The following XIRP2 variants were observed in gnomAD, a reference collection of about 807,000 sequenced individuals.
XIRP2 encodes the protein xin actin binding repeat containing 2, also known as xin actin-binding repeat-containing protein 2.
Under a neutral mutation model 277.0 loss-of-function variants are expected in XIRP2, and 236 were observed. The ratio of observed to expected loss-of-function variants is 0.85; its 90% CI spans 0.77 to 0.95. The LOEUF (loss-of-function observed/expected upper bound fraction) is 0.95, where lower values mean the gene tolerates loss of function less well. Among genes scored for constraint, XIRP2 ranks in the 40% least tolerant of loss-of-function variants. The pLI is 0.00. For missense variants in XIRP2, 4,640 were observed against 4,157.5 expected, an observed-to-expected ratio of 1.12 and a Z score of -3.19; for synonymous variants, 1,490 against 1,416.5, an observed-to-expected ratio of 1.05 and a Z score of -1.17.
At chr2:167,103,305 T>C (rs533595591) in intron 2 of XIRP2, among the ~76,000 whole-genome samples, 1 of 152,348 alleles carries the variant, frequency 6.6e-6, no homozygotes, top group South Asian at 2.1e-4. Context: ...GCACAGTTCT[T>C]GGAGAATTGG....
rs148064108 is a variant in XIRP2, at chr2:167,021,417, T to G, written c.409-114492T>G. On this transcript the variant is annotated intron_variant, in intron 2 of 10. Coordinates refer to ENST00000409195, the MANE Select transcript of XIRP2 (RefSeq NM_152381.6). ...CCAAAACAGTATATTATTTTAATTATAGCACTACACGTGCAAAAACTATTT... is the reference window on the plus strand; with the variant it reads ...CCAAAACAGTATATTATTTTAATTAGAGCACTACACGTGCAAAAACTATTT... Among the ~76,000 whole-genome samples, 471 of 152,284 alleles carry G rather than the reference T, an allele frequency of 3.1e-3. 6 individuals carry two copies. Among genetic ancestry groups the G allele is most frequent in the African/African-American group, 0.011 (439 of 41,574 alleles).
intron 2 of XIRP2, among the ~76,000 whole-genome samples, chr2:166,947,318 T>G (rs1685902524): frequency 6.6e-6 from 1 of 152,124 alleles, no homozygotes; most frequent in Non-Finnish European, 1.5e-5. Context: ...TTCATGAAAG[T>G]CTAAAACAGT....
chr2:166,968,065 T>A (rs191977513), intron 2 of XIRP2, among the ~76,000 whole-genome samples: 1 of 151,960 alleles, frequency 6.6e-6, no homozygotes. Flanking sequence ...ACGTGTTAGA[T>A]GAATTTCTAG....
At chr2:167,241,065 G>A (rs1695050929) in intron 7 of XIRP2, among the ~76,000 whole-genome samples, 1 of 152,116 alleles carries the variant, frequency 6.6e-6, no homozygotes, top group South Asian at 2.1e-4. Context: ...GAATAGAGTT[G>A]TTATCTAGAC....
chr2:167,031,746 G>T (rs1276963069), intron 2 of XIRP2, among the ~76,000 whole-genome samples: 2 of 152,028 alleles, frequency 1.3e-5, no homozygotes, highest in African/African-American at 2.4e-5. Flanking sequence ...TAACTTAAAA[G>T]GGATGTGAAG....
intron 5 of XIRP2, among the ~76,000 whole-genome samples, chr2:167,222,462 T>G (rs1694462165): frequency 6.6e-6 from 1 of 152,192 alleles, no homozygotes; most frequent in African/African-American, 2.4e-5. Context: ...CCATTTCGAT[T>G]TTGTTTTTCA....
intron 2 of XIRP2, among the ~76,000 whole-genome samples, chr2:166,967,076 A>C (rs1445819654): frequency 2.6e-5 from 4 of 151,968 alleles, no homozygotes. Flanking sequence ...GTTCTATGAC[A>C]AAATGTCATT....
In XIRP2 at chr2:167,244,860, G is replaced by T. The variant is rs200949705; in HGVS notation, c.3468G>T (p.Glu1156Asp). Residue 1156 changes from glutamate (E) to aspartate (D), a missense_variant, in exon 9 of 11, where the codon GAG (glutamate) becomes GAT (aspartate). Coordinates refer to ENST00000409195, the MANE Select transcript of XIRP2 (RefSeq NM_152381.6). ...AATTGCAAACTGTAAAACAGGAGGA[G>T]ATCCAAGGTGGGGATGTTCGTACAG... ...AVKLQTVKQE[E>D]IQGGDVRTAC... 2.5e-6 allele frequency: 4 copies of T among 1,613,616 alleles called. No individual in the cohort carries two copies. The highest frequency in any genetic ancestry group is 2.2e-5 in the South Asian group (2 of 91,070).
At chr2:167,062,842 C>T (rs1047220524) in intron 2 of XIRP2, among the ~76,000 whole-genome samples, 7 of 151,858 alleles carry the variant, frequency 4.6e-5, no homozygotes, top group African/African-American at 1.7e-4. Context: ...TTCTCTTGAT[C>T]AGTCTGACCA....
At chr2:166,929,556 T>C (rs1167016210) in intron 2 of XIRP2, among the ~76,000 whole-genome samples, 2 of 152,154 alleles carry the variant, frequency 1.3e-5, no homozygotes. Flanking sequence ...TTATAGTAGT[T>C]ATCGGACTAT....
intron 1 of XIRP2, among the ~76,000 whole-genome samples, chr2:166,890,558 T>C (rs896342974): frequency 6.6e-6 from 1 of 152,212 alleles, no homozygotes; most frequent in African/African-American, 2.4e-5. Flanking sequence ...CAGCTCTCAA[T>C]AGTAAACTCT....
chr2:167,178,514 G>T (rs73025733), intron 3 of XIRP2, among the ~76,000 whole-genome samples: 2 of 151,848 alleles, frequency 1.3e-5, no homozygotes, highest in East Asian at 1.9e-4. Flanking sequence ...TGTTTGATTC[G>T]GGATGGTTAT....
At chr2:166,931,397 A>T (rs889621439) in intron 2 of XIRP2, among the ~76,000 whole-genome samples, 2 of 152,174 alleles carry the variant, frequency 1.3e-5, no homozygotes, top group Admixed American at 1.3e-4. Context: ...TTTTGTCTCA[A>T]GACCTTCCCT....
At chr2:167,143,767 G>A (rs1691792469) in intron 3 of XIRP2, among the ~76,000 whole-genome samples, 1 of 151,772 alleles carries the variant, frequency 6.6e-6, no homozygotes, top group Non-Finnish European at 1.5e-5. Flanking sequence ...TGAAATATTT[G>A]GTGACTTTTC....
At chr2:167,001,498 A>G (rs954546897) in intron 2 of XIRP2, among the ~76,000 whole-genome samples, 2 of 152,180 alleles carry the variant, frequency 1.3e-5, no homozygotes. Flanking sequence ...TAAGCTCTGA[A>G]CATATTAGTG....
intron 2 of XIRP2, among the ~76,000 whole-genome samples, chr2:166,938,467 T>G (rs1008994109): frequency 6.6e-6 from 1 of 152,218 alleles, no homozygotes; most frequent in African/African-American, 2.4e-5. Context: ...AGACAGTTGA[T>G]TATAATTTCT....
At chr2:167,207,220 T>A (rs1055056124) in intron 3 of XIRP2, among the ~76,000 whole-genome samples, 24 of 152,316 alleles carry the variant, frequency 1.6e-4, no homozygotes, top group Non-Finnish European at 2.8e-4. Context: ...AAATTTGAAA[T>A]TTCTTGTACA....
Position 167,249,714 on chromosome 2 carries a change from TAAG to T in XIRP2, c.8326_8328del (p.Lys2776del), listed in dbSNP as rs770811963. On this transcript the variant is annotated inframe_deletion, in exon 9 of 11. Transcript: ENST00000409195. ...TGGCTGAAAGACATTATCAGTTACCTAAGAAGGAGAAAAGAGTGACAGTACAAT... is the reference window on the plus strand; with the variant it reads ...TGGCTGAAAGACATTATCAGTTACCTAAGGAGAAAAGAGTGACAGTACAAT... 1.9e-6 allele frequency: 3 copies of T among 1,613,202 alleles called. No homozygotes were observed. The highest frequency in any genetic ancestry group is 4.5e-5 in the East Asian group (2 of 44,814).
chr2:167,155,700 C>T (rs1411253157), intron 3 of XIRP2, among the ~76,000 whole-genome samples: 1 of 151,678 alleles, frequency 6.6e-6, no homozygotes, highest in East Asian at 1.9e-4. Context: ...ACAGGGATGC[C>T]CTCTCTCACC....
Sources: gnomAD v4.1 joint callset for allele counts (sites outside exome capture counted in the v4.1 genomes callset) on GRCh38, gnomAD v4.1.1 for gene constraint, MANE v1.5 for transcripts, NCBI Gene and HGNC (gene_info 2026-07-23, HGNC 2026-07-21) for gene names.